The following LARP1 variants were observed in gnomAD, a reference collection of about 807,000 sequenced individuals.
The protein encoded by LARP1 is la-related protein 1.
Under a neutral mutation model 122.7 loss-of-function variants are expected in LARP1, and 36 were observed. The ratio of observed to expected loss-of-function variants is 0.29; its 90% CI spans 0.22 to 0.39. LARP1 has a LOEUF of 0.39. LARP1 is among the 10% of genes least tolerant of loss of function. LARP1 has a pLI of 1.00. For missense variants in LARP1, 1,040 were observed against 1,403.6 expected (o/e 0.74, Z 4.14); for synonymous variants, 539 against 528.7 (o/e 1.02, Z -0.27).
chr5:154,774,093 G>A (rs1170923732), intron 1 of LARP1, among the ~76,000 whole-genome samples: 1 of 150,744 alleles, frequency 6.6e-6, no homozygotes, highest in Non-Finnish European at 1.5e-5. Context: ...CGGTGCCTCA[G>A]TTTTTCAGCC....
chr5:154,721,736 G>C (rs1212406780), intron 1 of LARP1, among the ~76,000 whole-genome samples: 1 of 152,208 alleles, frequency 6.6e-6, no homozygotes, highest in African/African-American at 2.4e-5. Flanking sequence ...AGATGATAAT[G>C]CACAAGTGTT....
intron 1 of LARP1, among the ~76,000 whole-genome samples, chr5:154,783,403 T>TTAA (rs1561599359): frequency 6.6e-6 from 1 of 152,230 alleles, no homozygotes; most frequent in African/African-American, 2.4e-5. Flanking sequence ...CTTGTCCAGC[T>TTAA]GTTAGCTTAG....
intron 1 of LARP1, among the ~76,000 whole-genome samples, chr5:154,700,168 C>T (rs770487742): frequency 4.1e-4 from 62 of 152,068 alleles, no homozygotes; most frequent in Non-Finnish European, 6.3e-4. Context: ...TATTTTAATA[C>T]AATATTTTAA....
At chr5:154,722,883 G>T (rs1755966856) in intron 1 of LARP1, among the ~76,000 whole-genome samples, 1 of 152,146 alleles carries the variant, frequency 6.6e-6, no homozygotes, top group African/African-American at 2.4e-5. Context: ...GTTTTATCAT[G>T]TTGGCCAGCC....
At chr5:154,692,212 C>T (rs1270797745) in intron 1 of LARP1, among the ~76,000 whole-genome samples, 1 of 152,204 alleles carries the variant, frequency 6.6e-6, no homozygotes, top group Non-Finnish European at 1.5e-5. Context: ...TCCCCAGTTT[C>T]GCGTTCTTCC....
intron 1 of LARP1, among the ~76,000 whole-genome samples, chr5:154,777,389 C>T (rs1207431327): frequency 2.6e-5 from 4 of 151,058 alleles, no homozygotes; most frequent in African/African-American, 9.7e-5. Flanking sequence ...GGCATGGTGA[C>T]GGACACCTGT....
intron 8 of LARP1, among the ~76,000 whole-genome samples, chr5:154,796,266 C>T (rs192486530): frequency 6.8e-6 from 1 of 146,602 alleles, no homozygotes; most frequent in Non-Finnish European, 1.5e-5. Context: ...CACCTATAAT[C>T]CCTGCACTTT....
In LARP1 at chr5:154,756,032, G is replaced by C. The variant is rs1753853867; in HGVS notation, c.275G>C (p.Gly92Ala). 2 of 1,050,096 alleles carry C rather than the reference G, an allele frequency of 1.9e-6. No individual in the cohort carries two copies. Among genetic ancestry groups the C allele is most frequent in the South Asian group, 2.8e-5 (1 of 35,300 alleles). 65.0% of individuals were successfully genotyped at this position (1,050,096 alleles called of 1,614,324 possible). A position where few individuals can be genotyped will look rare whatever the true frequency, so the allele number is the denominator to read the frequency against. ...PGAEGPAISDGEEGGGEPGAG... is the reference protein window; with the variant it reads ...PGAEGPAISDAEEGGGEPGAG... ...GCCGAAGGCCCGGCCATCAGCGACG[G>C]GGAGGAGGGCGGCGGCGAGCCAGGC... The change falls in exon 1 of 19, where the codon GGG becomes GCG. Residue 92 changes from glycine to alanine, a missense_variant. Around this residue, in one of 8 missense-constraint regions of LARP1, gnomAD observed 257 missense variants for 273.3 expected, o/e 0.94. Transcript: ENST00000518297.
chr5:154,733,200 T>G (rs933578112), intron 1 of LARP1, among the ~76,000 whole-genome samples: 3 of 152,192 alleles, frequency 2.0e-5, no homozygotes, highest in African/African-American at 4.8e-5. Flanking sequence ...TTTGACCAAT[T>G]TAAGTAACAC....
intron 1 of LARP1, among the ~76,000 whole-genome samples, chr5:154,690,279 G>C (rs1754131532): frequency 6.6e-6 from 1 of 152,074 alleles, no homozygotes; most frequent in African/African-American, 2.4e-5. Flanking sequence ...AATTTGGGTG[G>C]ACTTCATGGA....
intron 1 of LARP1, among the ~76,000 whole-genome samples, chr5:154,740,480 C>T (rs779373904): frequency 9.9e-5 from 15 of 152,138 alleles, no homozygotes; most frequent in Admixed American, 3.9e-4. Context: ...ATTGCTCTCC[C>T]ATTATCAATT....
chr5:154,809,246 C>G (rs1334325869), intron 16 of LARP1, among the ~76,000 whole-genome samples: 2 of 151,458 alleles, frequency 1.3e-5, no homozygotes, highest in Non-Finnish European at 1.5e-5. Context: ...AGAAGGATCA[C>G]TTGAGCCCAG....
At chr5:154,722,215 G>A (rs530063368) in intron 1 of LARP1, among the ~76,000 whole-genome samples, 1 of 152,164 alleles carries the variant, frequency 6.6e-6, no homozygotes, top group Non-Finnish European at 1.5e-5. Flanking sequence ...TCTGCCTTCA[G>A]CTTCCCCGCC....
intron 1 of LARP1, among the ~76,000 whole-genome samples, chr5:154,745,318 C>T (rs1398407334): frequency 6.6e-6 from 1 of 152,214 alleles, no homozygotes; most frequent in Non-Finnish European, 1.5e-5. Flanking sequence ...GCCTCAGTGT[C>T]CTCATCTTTA....
chr5:154,813,523 C>T (rs1173302744), intron 18 of LARP1, among the ~76,000 whole-genome samples: 1 of 152,124 alleles, frequency 6.6e-6, no homozygotes, highest in African/African-American at 2.4e-5. Context: ...GGAAGGGAAG[C>T]AGAAATGAGG....
rs1758589133 is a variant in LARP1, at chr5:154,804,413, C to T, written c.2546+106C>T. ...GATTGGTCTGAAAATTAAAGGGACC[C>T]TCATCTAAGAGGTTTTCAAAAAACC... On this transcript the variant is annotated intron_variant, in intron 14 of 18. Coordinates refer to ENST00000518297, the MANE Select transcript of LARP1 (RefSeq NM_033551.3). 3 of 850,906 alleles carry T rather than the reference C, an allele frequency of 3.5e-6. No individual in the cohort carries two copies. In the South Asian group the frequency reaches 4.4e-5, roughly 13 times the overall value. The allele number at this position is 850,906 out of a possible 1,614,324, so 52.7% of individuals were successfully genotyped here. A position where few individuals can be genotyped will look rare whatever the true frequency, so the allele number is the denominator to read the frequency against.
exon 1 of LARP1, chr5:154,712,948 C>T: frequency 6.2e-7 from 1 of 1,614,154 alleles, no homozygotes. Flanking sequence ...GTGCTTTTGT[C>T]AAAGAGGCCT....
At chr5:154,706,298 TAATAATA>T (rs1216148002) in intron 1 of LARP1, among the ~76,000 whole-genome samples, 56 of 18,522 alleles carry the variant, frequency 3.0e-3, no homozygotes, top group African/African-American at 5.2e-3. Context: ...TGTCTCAAAA[TAATAATA>T]ATAATAATAA....
At position 154,736,066 on chromosome 5, in the gene LARP1, T is replaced by C. The variant is rs543582958; in HGVS notation, c.205+22936T>C. 6.6e-5 allele frequency among the ~76,000 whole-genome samples: 10 copies of C among 151,750 alleles called. No individual in the cohort carries two copies. In the East Asian group the frequency reaches 1.9e-3, roughly 29 times the overall value. ...TCTCAAGTAGCTGGGACTACAGGTG[T>C]TCGCCACCATACCCAGCTAAGTTTT... On this transcript the variant is annotated intron_variant, in intron 1 of 18. Transcript: ENST00000336314.
Sources: gnomAD v4.1 joint callset for allele counts (sites outside exome capture counted in the v4.1 genomes callset) on GRCh38, gnomAD v4.1.1 for gene constraint, gnomAD v4.1.1 regional missense constraint, MANE v1.5 for transcripts, NCBI Gene and HGNC (gene_info 2026-07-23, HGNC 2026-07-21) for gene names.